The following PALLD variants were observed in gnomAD, a reference collection of about 807,000 sequenced individuals.
PALLD encodes palladin.
PALLD carries 61 observed loss-of-function variants against 123.5 expected under a neutral mutation model. The ratio of observed to expected loss-of-function variants is 0.49; its 90% CI spans 0.40 to 0.61. The LOEUF (loss-of-function observed/expected upper bound fraction) is 0.61. PALLD is among the 20% of genes least tolerant of loss of function. The probability of loss-of-function intolerance (pLI) is 0.00; values close to 1 mark genes in which losing one functional copy is unlikely to be tolerated. For missense variants in PALLD, 1,273 were observed against 1,377.0 expected (o/e 0.92, Z 1.20); for synonymous variants, 465 against 496.4 (o/e 0.94, Z 0.84).
chr4:168,706,868 A>G (rs1052112376), intron 8 of PALLD, among the ~76,000 whole-genome samples: 1 of 151,890 alleles, frequency 6.6e-6, no homozygotes, highest in African/African-American at 2.4e-5. Context: ...AGAATCAAAT[A>G]CAACAAACTC....
chr4:168,724,651 G>C (rs1015256926), intron 10 of PALLD, among the ~76,000 whole-genome samples: 13 of 152,132 alleles, frequency 8.5e-5, no homozygotes, highest in African/African-American at 3.1e-4. Flanking sequence ...TCTAAAATAA[G>C]TTGGCTGGAT....
chr4:168,823,879 T>C (rs552904985), intron 10 of PALLD, among the ~76,000 whole-genome samples: 154 of 152,310 alleles, frequency 1.0e-3, no homozygotes, highest in African/African-American at 3.4e-3. Context: ...TGGAGTCAGT[T>C]TGTGAAGAGA....
At chr4:168,616,094 A>T (rs1774200520) in intron 2 of PALLD, among the ~76,000 whole-genome samples, 1 of 151,954 alleles carries the variant, frequency 6.6e-6, no homozygotes, top group South Asian at 2.1e-4. Context: ...ACTGGGTTGT[A>T]TTCAAGGAGT....
intron 2 of PALLD, among the ~76,000 whole-genome samples, chr4:168,519,463 T>C (rs938213778): frequency 6.6e-6 from 1 of 152,206 alleles, no homozygotes; most frequent in African/African-American, 2.4e-5. Context: ...CTTTTAGCCA[T>C]TTGTCCATAT....
chr4:168,692,491 T>A (rs923590112), intron 8 of PALLD, among the ~76,000 whole-genome samples: 21 of 152,376 alleles, frequency 1.4e-4, no homozygotes, highest in African/African-American at 5.0e-4. Flanking sequence ...TGCATAATGC[T>A]ACTTTTCTAA....
intron 14 of PALLD, among the ~76,000 whole-genome samples, chr4:168,901,732 C>T (rs184401114): frequency 1.2e-4 from 18 of 152,210 alleles, no homozygotes; most frequent in African/African-American, 4.1e-4. Flanking sequence ...GAGGCGCACA[C>T]CTGTAATCCC....
At chr4:168,719,734 C>G (rs945058381) in intron 10 of PALLD, among the ~76,000 whole-genome samples, 2 of 152,168 alleles carry the variant, frequency 1.3e-5, no homozygotes, top group Non-Finnish European at 1.5e-5. Context: ...TCCTCCCGCT[C>G]TCCACCCTCA....
Position 168,631,684 on chromosome 4 carries a change from T to C in PALLD, c.909-36506T>C, listed in dbSNP as rs1215444231. 4 of 985,340 alleles carry C rather than the reference T, an allele frequency of 4.1e-6. No homozygotes were observed. In the African/African-American group the frequency reaches 7.0e-5, roughly 17 times the overall value. 61.0% of individuals were successfully genotyped at this position (985,340 alleles called of 1,614,324 possible). Reference sequence around the variant, plus strand: ...CGTGGCCGCTGCGCCGCCAGGAGGCTTCCCGGGAGCCGGCGGGGCCCAGGA... The same window carrying C: ...CGTGGCCGCTGCGCCGCCAGGAGGCCTCCCGGGAGCCGGCGGGGCCCAGGA... On this transcript the variant is annotated intron_variant, in intron 2 of 21. Coordinates refer to ENST00000505667, the MANE Select transcript of PALLD (RefSeq NM_001166108.2).
chr4:168,592,985 T>A (rs1170427890), intron 2 of PALLD, among the ~76,000 whole-genome samples: 7 of 151,770 alleles, frequency 4.6e-5, no homozygotes, highest in Non-Finnish European at 1.0e-4. Flanking sequence ...AGATTTATAG[T>A]GGAATAAAAT....
chr4:168,506,758 C>T (rs954258527), intron 1 of PALLD, among the ~76,000 whole-genome samples: 10 of 152,184 alleles, frequency 6.6e-5, no homozygotes, highest in Non-Finnish European at 1.3e-4. Flanking sequence ...TTCTTTCTTT[C>T]CTTCTTTCCT....
At chr4:168,925,330 T>G in intron 21 of PALLD, 52 bp downstream of exon 21, 1 of 1,342,604 alleles carries the variant, frequency 7.4e-7, no homozygotes, top group Non-Finnish European at 1.1e-6. Flanking sequence ...TTGATTTCTC[T>G]TACATTGGCT....
At chr4:168,626,583 C>T (rs1775316823) in intron 2 of PALLD, among the ~76,000 whole-genome samples, 1 of 151,560 alleles carries the variant, frequency 6.6e-6, no homozygotes. Flanking sequence ...TGGTGGCACA[C>T]GACTGTCGTC....
intron 10 of PALLD, among the ~76,000 whole-genome samples, chr4:168,718,898 T>G (rs1028725569): frequency 6.8e-6 from 1 of 147,998 alleles, no homozygotes; most frequent in Admixed American, 7.0e-5. Context: ...TCTCTATTGT[T>G]GCCAATCTAA....
At chr4:168,656,459 C>T (rs1205435195) in intron 2 of PALLD, among the ~76,000 whole-genome samples, 5 of 151,842 alleles carry the variant, frequency 3.3e-5, no homozygotes, top group African/African-American at 2.4e-5. Flanking sequence ...TTTTCCTTCA[C>T]GTATTGTGAA....
intron 10 of PALLD, among the ~76,000 whole-genome samples, chr4:168,888,800 G>A (rs1385258329): frequency 6.6e-6 from 1 of 152,046 alleles, no homozygotes; most frequent in African/African-American, 2.4e-5. Flanking sequence ...CACATTGAAG[G>A]GTGAACACTC....
intron 10 of PALLD, among the ~76,000 whole-genome samples, chr4:168,811,776 T>C (rs199663653): frequency 7.0e-6 from 1 of 143,636 alleles, no homozygotes; most frequent in Non-Finnish European, 1.5e-5. Flanking sequence ...TCTCTCTCTC[T>C]CACACACACA....
intron 10 of PALLD, among the ~76,000 whole-genome samples, chr4:168,795,230 C>CTA (rs1738318969): frequency 1.3e-5 from 2 of 152,158 alleles, no homozygotes; most frequent in African/African-American, 4.8e-5. Flanking sequence ...AATGTCTGCA[C>CTA]TATATATAGC....
chr4:168,532,782 C>A (rs920959781), intron 2 of PALLD, among the ~76,000 whole-genome samples: 1 of 151,836 alleles, frequency 6.6e-6, no homozygotes, highest in Non-Finnish European at 1.5e-5. Flanking sequence ...CAGTAGAATT[C>A]CATAAGAAGA....
chr4:168,922,513 G>T (rs1027699043), intron 18 of PALLD, among the ~76,000 whole-genome samples: 3 of 152,156 alleles, frequency 2.0e-5, no homozygotes, highest in South Asian at 2.1e-4. Flanking sequence ...CTGATGATTA[G>T]ATTTAACACA....
Sources: allele counts gnomAD v4.1 joint callset (sites outside exome capture counted in the v4.1 genomes callset), GRCh38; gene constraint gnomAD v4.1.1; transcripts MANE v1.5; gene names NCBI Gene and HGNC (gene_info 2026-07-23, HGNC 2026-07-21).